Variants in MFN2 observed in about 807,000 individuals in gnomAD.
MFN2 encodes mitofusin-2.
In MFN2, 43 loss-of-function variants were observed where a neutral mutation model predicts 87.5. The ratio of observed to expected loss-of-function variants is 0.49; its 90% CI spans 0.38 to 0.63. MFN2 has a LOEUF of 0.63. MFN2 is among the 30% of genes least tolerant of loss of function. MFN2 has a pLI of 0.00. For synonymous variants in MFN2, 337 were observed against 359.9 expected (o/e 0.94, Z 0.72); for missense variants, 743 against 972.8 (o/e 0.76, Z 3.14).
At chr1:12,011,448 C>T in intron 18 of MFN2, 48 bp from the exon 19 acceptor site, 1 of 1,600,916 alleles carries the variant, frequency 6.2e-7, no homozygotes, top group East Asian at 2.2e-5. Context: ...AGTCCTAATA[C>T]TGCCTATCAT....
At chr1:12,002,442 T>C (rs1639219785) in intron 11 of MFN2, among the ~76,000 whole-genome samples, 1 of 152,232 alleles carries the variant, frequency 6.6e-6, no homozygotes, top group Non-Finnish European at 1.5e-5. Flanking sequence ...ACCTGTGATC[T>C]CAACACTTTG....
Position 12,009,529 on chromosome 1 carries a change from C to T in MFN2, c.2070-63C>T, listed in dbSNP as rs115175952. On this transcript the variant is annotated intron_variant, in intron 17 of 18. Transcript: ENST00000235329. ...CCAGCTGCTCCCTACTGTGGGTGGG[C>T]TAAGCCACCAGTGGCATCTTGCTCC... 8,718 of 1,611,056 alleles carry T rather than the reference C, an allele frequency of 5.4e-3. 382 individuals are homozygous for T. The African/African-American group carries it at 0.1, about 18-fold the overall frequency.
rs140924661 is a variant in MFN2, at chr1:12,005,856, C to T, written c.1641C>T (p.Leu547=). 1.2e-3 allele frequency: 1,949 copies of T among 1,614,076 alleles called. 1 individual carries two copies. Among genetic ancestry groups the T allele is most frequent in the Non-Finnish European group, 1.6e-3 (1,831 of 1,180,038 alleles). The change falls in exon 15 of 19, where the codon CTC becomes CTT. Residue 547 remains leucine (L), a synonymous_variant. Transcript: ENST00000235329. ...FQEDIEFHFS[L]GWTMLVNRFL... ...AAGACATTGAGTTCCATTTCTCTCT[C>T]GGATGGACCATGCTGGTGAATAGGT... is the stretch of plus-strand genomic sequence containing the variant.
intron 4 of MFN2, among the ~76,000 whole-genome samples, chr1:11,993,964 A>T (rs1638803470): frequency 6.6e-6 from 1 of 152,136 alleles, no homozygotes; most frequent in Non-Finnish European, 1.5e-5. Flanking sequence ...TTCTGCCCTT[A>T]TCCAGATTGA....
rs755850497 is a variant in MFN2 at position 12,004,094 on chromosome 1, G to T, written c.1263G>T (p.Gln421His). Residue 421 changes from glutamine to histidine, a missense_variant, in exon 12 of 19, where the codon CAG becomes CAT. By Grantham distance (24) the Gln-to-His change is conservative. This residue lies in a region of MFN2 where 571 missense variants were observed against 670.7 expected (regional missense o/e 0.85). Transcript: ENST00000235329. This position sits in a 1 kb window ranked among gnomAD's most constrained non-coding sequence, Gnocchi z 4.2. ...AAGACTATAAGCTGCGAATTAAGCA[G>T]ATTACGGAGGAAGTGGAGAGGCAGG... is the stretch of plus-strand genomic sequence containing the variant. ...LAQDYKLRIK[Q>H]ITEEVERQVS... 1.2e-5 allele frequency: 19 copies of T among 1,614,038 alleles called. No homozygotes were observed. Among genetic ancestry groups the T allele is most frequent in the Non-Finnish European group, 3.4e-6 (4 of 1,180,056 alleles).
rs770949123 is a variant in MFN2, at chr1:11,999,100, G to A, written c.816+5G>A. 4.3e-6 allele frequency: 7 copies of A among 1,613,770 alleles called. No homozygotes were observed. Among genetic ancestry groups the A allele is most frequent in the Non-Finnish European group, 5.9e-6 (7 of 1,179,754 alleles). ...GAGCCCGAGTACATGGAGGAGGTTCGTGCTTCTGTTTGGCAGTTTGGGGAA... is the reference window on the plus strand; with the variant it reads ...GAGCCCGAGTACATGGAGGAGGTTCATGCTTCTGTTTGGCAGTTTGGGGAA... On this transcript the variant is annotated splice_donor_5th_base_variant and intron_variant, in intron 8 of 18. Transcript: ENST00000235329.
rs1321940926 is a variant in MFN2 at position 12,009,584 on chromosome 1, C to G, written c.2070-8C>G. 1 of 1,614,248 alleles carries G rather than the reference C, an allele frequency of 6.2e-7. No individual in the cohort carries two copies. Among genetic ancestry groups the G allele is most frequent in the South Asian group, 1.1e-5 (1 of 91,090 alleles). On this transcript the variant is annotated splice_region_variant and splice_polypyrimidine_tract_variant and intron_variant, in intron 17 of 18. Transcript: ENST00000235329. ...ACCCCAACTGGGTCCCTTCTCTCTC[C>G]TCCCCAGGGAACTGTCTGGGACCTT...
intron 4 of MFN2, among the ~76,000 whole-genome samples, chr1:11,993,579 C>T (rs1638785015): frequency 6.6e-6 from 1 of 151,852 alleles, no homozygotes; most frequent in Non-Finnish European, 1.5e-5. Flanking sequence ...ACTAAAAATA[C>T]AAAAAATTAG....
chr1:11,999,943 A>G (rs1010687240), intron 8 of MFN2, among the ~76,000 whole-genome samples: 2 of 151,418 alleles, frequency 1.3e-5, no homozygotes, highest in African/African-American at 4.8e-5. Context: ...AAATACAAAA[A>G]ATTAGCCGGG....
chr1:11,983,867 AAGG>A (rs1165082057), intron 2 of MFN2, among the ~76,000 whole-genome samples: 3 of 152,156 alleles, frequency 2.0e-5, no homozygotes, highest in African/African-American at 4.8e-5. Flanking sequence ...GTGGAAAAGG[AAGG>A]AGGATTCCAG....
intron 8 of MFN2, among the ~76,000 whole-genome samples, chr1:12,000,731 A>C (rs901940167): frequency 6.6e-6 from 1 of 152,214 alleles, no homozygotes; most frequent in African/African-American, 2.4e-5. Flanking sequence ...ACAATGCCCC[A>C]GGAGGACACA....
At chr1:11,992,398 G>C in intron 3 of MFN2, 157 bp from the exon 4 acceptor site, 4 of 899,450 alleles carry the variant, frequency 4.4e-6, no homozygotes, top group Non-Finnish European at 7.3e-6. Context: ...CACACCGTGG[G>C]GCCACCATAG....
At position 12,013,404 on chromosome 1, in the gene MFN2, A is replaced by C. The variant is rs924934232; in HGVS notation, c.*1839A>C. On this transcript the variant is annotated 3_prime_UTR_variant, in exon 19 of 19. Transcript: ENST00000235329. Reference sequence around the variant, plus strand: ...TTGCTGGAGCGCAAGACGTGCTGACACAGTGAGTTTTCTCTGATGTATTTA... The same window carrying C: ...TTGCTGGAGCGCAAGACGTGCTGACCCAGTGAGTTTTCTCTGATGTATTTA... The C allele has an allele frequency of 4.2e-6, 2 of 470,908 alleles. No homozygotes were observed. Among genetic ancestry groups the C allele is most frequent in the African/African-American group, 4.0e-5 (2 of 50,078 alleles). 29.2% of individuals were successfully genotyped at this position (470,908 alleles called of 1,614,324 possible).
At chr1:11,983,213 A>G (rs1160857597) in intron 2 of MFN2, among the ~76,000 whole-genome samples, 1 of 152,084 alleles carries the variant, frequency 6.6e-6, no homozygotes, top group Admixed American at 6.6e-5. Context: ...GCTGTACTAC[A>G]GGTGCATGCT....
In MFN2 at chr1:12,001,346, G is replaced by T; in HGVS notation, c.817-55G>T. The T allele has an allele frequency of 2.5e-6, 4 of 1,607,028 alleles. No homozygotes were observed. The South Asian group carries it at 3.3e-5, about 13-fold the overall frequency. On this transcript the variant is annotated intron_variant, in intron 8 of 18. Transcript: ENST00000235329. Reference sequence around the variant, plus strand: ...CCTATTCTTTTAATAAAAGAGGCAGGTGGGGGCTGTGGGGCCACCTACACT... The same window carrying T: ...CCTATTCTTTTAATAAAAGAGGCAGTTGGGGGCTGTGGGGCCACCTACACT...
chr1:12,005,004 A>T, intron 14 of MFN2, 77 bp downstream of exon 14: 1 of 1,139,986 alleles, frequency 8.8e-7, no homozygotes, highest in Admixed American at 2.0e-5. Flanking sequence ...AGCTAAAGAA[A>T]TCAGGACTTT....
At chr1:12,009,145 C>T (rs898583509) in intron 17 of MFN2, among the ~76,000 whole-genome samples, 3 of 152,116 alleles carry the variant, frequency 2.0e-5, no homozygotes, top group Non-Finnish European at 2.9e-5. Flanking sequence ...GCAGAGATGG[C>T]GGCAGTACAG....
At chr1:12,006,415 T>C in intron 15 of MFN2, 123 bp from the exon 16 acceptor site, 1 of 1,300,624 alleles carries the variant, frequency 7.7e-7, no homozygotes, top group Non-Finnish European at 1.1e-6. Context: ...GTCCCCTTTT[T>C]GCCTTTTGGA....
At chr1:11,989,953 C>T (rs1638603191) in intron 3 of MFN2, among the ~76,000 whole-genome samples, 1 of 152,220 alleles carries the variant, frequency 6.6e-6, no homozygotes. Context: ...CACTGGCTTC[C>T]TCAGGCTCCC....
Sources: allele counts gnomAD v4.1 joint callset (sites outside exome capture counted in the v4.1 genomes callset), GRCh38; gene constraint gnomAD v4.1.1; regional missense constraint gnomAD v4.1.1; non-coding constraint Gnocchi (gnomAD v3.1); transcripts MANE v1.5; gene names NCBI Gene and HGNC (gene_info 2026-07-23, HGNC 2026-07-21).